The following EIF4G3 variants were observed in gnomAD, a reference collection of about 807,000 sequenced individuals.
The protein encoded by EIF4G3 is eIF-4-gamma 3.
EIF4G3 carries 34 observed loss-of-function variants against 186.4 expected under a neutral mutation model. The ratio of observed to expected loss-of-function variants is 0.18; its 90% CI spans 0.14 to 0.24. The LOEUF is 0.24. Among genes scored for constraint, EIF4G3 ranks in the 10% least tolerant of loss-of-function variants. The probability of loss-of-function intolerance (pLI) is 1.00; values close to 1 mark genes in which losing one functional copy is unlikely to be tolerated. For missense variants in EIF4G3, 1,536 were observed against 1,948.5 expected (o/e 0.79, Z 3.99); for synonymous variants, 673 against 679.5 (o/e 0.99, Z 0.15).
At chr1:20,909,626 A>G (rs1212575389) in intron 14 of EIF4G3, among the ~76,000 whole-genome samples, 1 of 152,042 alleles carries the variant, frequency 6.6e-6, no homozygotes, top group East Asian at 1.9e-4. Flanking sequence ...CACATCACCT[A>G]TTTAGTTTTA....
intron 14 of EIF4G3, among the ~76,000 whole-genome samples, chr1:20,938,355 T>C (rs2095587224): frequency 6.6e-6 from 1 of 152,212 alleles, no homozygotes; most frequent in Non-Finnish European, 1.5e-5. Context: ...AGAAAATGTT[T>C]TGCAGCAGAA....
At chr1:21,005,125 G>C (rs2084684417) in intron 4 of EIF4G3, among the ~76,000 whole-genome samples, 1 of 152,000 alleles carries the variant, frequency 6.6e-6, no homozygotes, top group Non-Finnish European at 1.5e-5. Context: ...AATCTGAAAG[G>C]CTGAAAGTTT....
chr1:21,155,352 T>C (rs184810548), intron 2 of EIF4G3, among the ~76,000 whole-genome samples: 4 of 151,994 alleles, frequency 2.6e-5, no homozygotes, highest in Admixed American at 6.6e-5. Context: ...AAACAGTTCC[T>C]TTTCTTCTGC....
At chr1:21,055,498 A>G (rs1023179065) in intron 3 of EIF4G3, among the ~76,000 whole-genome samples, 8 of 152,132 alleles carry the variant, frequency 5.3e-5, no homozygotes, top group African/African-American at 7.2e-5. Flanking sequence ...TTAAAATAAA[A>G]TCTTTGCCCC....
chr1:21,045,795 T>TA (rs1187693971), intron 4 of EIF4G3, among the ~76,000 whole-genome samples: 2,230 of 145,704 alleles, frequency 0.015, 43 homozygotes, highest in African/African-American at 0.045. Context: ...AAACTTCTCT[T>TA]AAAAAAAAAA....
At chr1:20,896,269 GA>G (rs561321139) in intron 16 of EIF4G3, among the ~76,000 whole-genome samples, 54 of 151,440 alleles carry the variant, frequency 3.6e-4, no homozygotes, top group African/African-American at 1.2e-3. Context: ...CTAATCTCTA[GA>G]AAAAAAATTT....
At chr1:20,806,467 CACTTT>C (rs2058141957), downstream of EIF4G3, 1 of 152,662 alleles carries the variant, frequency 6.6e-6, no homozygotes, top group Non-Finnish European at 1.5e-5. Context: ...AAGGAGAAGT[CACTTT>C]ACTTTCTTTT....
intron 3 of EIF4G3, among the ~76,000 whole-genome samples, chr1:21,062,385 A>C (rs2094962050): frequency 6.6e-6 from 1 of 152,060 alleles, no homozygotes; most frequent in Non-Finnish European, 1.5e-5. Flanking sequence ...AAAAGAAAAT[A>C]AACAAGATCA....
intron 2 of EIF4G3, among the ~76,000 whole-genome samples, chr1:21,137,160 T>C (rs531046974): frequency 6.6e-6 from 1 of 151,506 alleles, no homozygotes; most frequent in Non-Finnish European, 1.5e-5. Flanking sequence ...TTTTTTTTTT[T>C]GGAGACTAGG....
chr1:21,135,391 C>T (rs759809688), intron 2 of EIF4G3, among the ~76,000 whole-genome samples: 2 of 152,096 alleles, frequency 1.3e-5, no homozygotes, highest in Admixed American at 6.6e-5. Flanking sequence ...GCCAGCTACT[C>T]GGGAGAGGCT....
Position 21,143,862 on chromosome 1 carries a change from C to T in EIF4G3, c.-272+32313G>A, listed in dbSNP as rs527426769. ...ACTTGAACCCAGGAGGTGGAGGCTG[C>T]CATAAGTCAAGATCATGCCACCGCA... On this transcript the variant is annotated intron_variant, in intron 2 of 36. Transcript: ENST00000602326. 1.7e-4 allele frequency among the ~76,000 whole-genome samples: 26 copies of T among 152,136 alleles called. 1 individual carries two copies. In the South Asian group the frequency reaches 3.5e-3, roughly 21 times the overall value.
chr1:21,090,578 G>C (rs1377438880), intron 2 of EIF4G3, among the ~76,000 whole-genome samples: 3 of 152,172 alleles, frequency 2.0e-5, no homozygotes, highest in African/African-American at 7.2e-5. Context: ...GTCTGGCACT[G>C]GGGTTGTTTA....
intron 18 of EIF4G3, among the ~76,000 whole-genome samples, chr1:20,889,785 C>T (rs544422128): frequency 9.2e-5 from 14 of 152,108 alleles, no homozygotes; most frequent in South Asian, 4.1e-4. Context: ...CCACCACGCC[C>T]GGCCCATAAT....
chr1:20,831,876 G>A (rs1260868280), intron 30 of EIF4G3, among the ~76,000 whole-genome samples: 1 of 142,876 alleles, frequency 7.0e-6, no homozygotes, highest in Non-Finnish European at 1.5e-5. Context: ...TTTTGTTCTT[G>A]CGATAGTTTA....
chr1:20,908,855 G>T (rs1483726568), intron 14 of EIF4G3, among the ~76,000 whole-genome samples: 1 of 152,094 alleles, frequency 6.6e-6, no homozygotes, highest in African/African-American at 2.4e-5. Context: ...GTCTGAGGTA[G>T]TTAGAATATG....
chr1:21,148,559 G>A (rs898103068), intron 2 of EIF4G3, among the ~76,000 whole-genome samples: 1 of 151,966 alleles, frequency 6.6e-6, no homozygotes, highest in Non-Finnish European at 1.5e-5. Context: ...AAAATCAGCT[G>A]GCTGTGGTGG....
chr1:21,045,046 G>A (rs2093802290), intron 4 of EIF4G3, among the ~76,000 whole-genome samples: 1 of 152,076 alleles, frequency 6.6e-6, no homozygotes, highest in Non-Finnish European at 1.5e-5. Flanking sequence ...CTTGAGTCCA[G>A]GGGGTCAAGG....
At chr1:21,013,894 G>A in intron 4 of EIF4G3, among the ~76,000 whole-genome samples, 1 of 152,184 alleles carries the variant, frequency 6.6e-6, no homozygotes, top group East Asian at 1.9e-4. Context: ...AATAGGCTGG[G>A]CACAGTAGCT....
intron 4 of EIF4G3, among the ~76,000 whole-genome samples, chr1:21,011,660 T>C (rs1409720077): frequency 1.3e-5 from 2 of 152,186 alleles, no homozygotes; most frequent in Non-Finnish European, 2.9e-5. Context: ...ACCCTATTAA[T>C]AGCCACAAAT....
Sources: gnomAD v4.1 joint callset for allele counts (sites outside exome capture counted in the v4.1 genomes callset) on GRCh38, gnomAD v4.1.1 for gene constraint, MANE v1.5 for transcripts, NCBI Gene and HGNC (gene_info 2026-07-23, HGNC 2026-07-21) for gene names.